Variants in PTPRN2 observed in about 807,000 individuals in gnomAD.
PTPRN2 encodes protein tyrosine phosphatase receptor type N2.
In PTPRN2, 74 loss-of-function variants were observed where a neutral mutation model predicts 118.8. That is an observed-to-expected ratio of 0.62 (90% CI 0.52 to 0.76). The LOEUF is 0.76. Ranked by LOEUF, PTPRN2 falls within the 30% of genes least tolerant of loss-of-function variation. The pLI is 0.00. For synonymous variants in PTPRN2, 641 were observed against 608.0 expected (o/e 1.05, Z -0.80); for missense variants, 1,481 against 1,394.4 (o/e 1.06, Z -0.99).
At chr7:158,473,550 G>C (rs1251718501) in intron 2 of PTPRN2, among the ~76,000 whole-genome samples, 1 of 152,138 alleles carries the variant, frequency 6.6e-6, no homozygotes, top group Admixed American at 6.5e-5. Flanking sequence ...AATCTCCATG[G>C]CAACTAGACT....
intron 10 of PTPRN2, among the ~76,000 whole-genome samples, chr7:158,085,505 T>C (rs371001069): frequency 1.0e-3 from 78 of 76,762 alleles, no homozygotes; most frequent in Middle Eastern, 0.032. Context: ...TCCACACCCA[T>C]GACGCCCATC....
chr7:157,843,399 GCC>G (rs2151188701), intron 12 of PTPRN2, among the ~76,000 whole-genome samples: 1 of 152,190 alleles, frequency 6.6e-6, no homozygotes, highest in Admixed American at 6.5e-5. Context: ...TGGTAGGGGG[GCC>G]GGCGTGGGGG....
At chr7:158,414,671 A>T in intron 2 of PTPRN2, among the ~76,000 whole-genome samples, 1 of 152,352 alleles carries the variant, frequency 6.6e-6, no homozygotes, top group Non-Finnish European at 1.5e-5. Context: ...TCGATCTGGC[A>T]TAATTGCCGG....
rs1824714380 is a variant in PTPRN2, at chr7:158,525,605, A to G, written c.113-35820T>C. Among the ~76,000 whole-genome samples the G allele has an allele frequency of 6.6e-6, 1 of 152,194 alleles. No homozygotes were observed. Among genetic ancestry groups the G allele is most frequent in the Admixed American group, 6.5e-5 (1 of 15,286 alleles). On this transcript the variant is annotated intron_variant, in intron 1 of 22. Transcript: ENST00000389418. The surrounding 1 kb of genome is among the most constrained non-coding windows in gnomAD (Gnocchi z 4.1). Reference sequence around the variant, plus strand: ...AGAGGTCCTACGGGATGGAGTATTAATAGTGCCGTGTTTAATTATTATTCA... The same window carrying G: ...AGAGGTCCTACGGGATGGAGTATTAGTAGTGCCGTGTTTAATTATTATTCA...
intron 2 of PTPRN2, among the ~76,000 whole-genome samples, chr7:158,317,891 G>T (rs377102713): frequency 6.6e-6 from 1 of 152,318 alleles, no homozygotes; most frequent in South Asian, 2.1e-4. Flanking sequence ...CGACGGGGCC[G>T]GGTGATTAGC....
At chr7:157,571,364 A>T in intron 20 of PTPRN2, 76 bp downstream of exon 20, 3 of 1,158,582 alleles carry the variant, frequency 2.6e-6, no homozygotes, top group Non-Finnish European at 2.5e-6. Context: ...TTAGAAAGTT[A>T]AGCTTCTGTA....
At chr7:157,968,238 G>A (rs1802078964) in intron 11 of PTPRN2, among the ~76,000 whole-genome samples, 1 of 152,152 alleles carries the variant, frequency 6.6e-6, no homozygotes, top group African/African-American at 2.4e-5. Context: ...TGAGAAGTGG[G>A]GATACAGGAC....
chr7:158,367,872 C>T (rs1035853417), intron 2 of PTPRN2, among the ~76,000 whole-genome samples: 11 of 152,140 alleles, frequency 7.2e-5, no homozygotes, highest in Admixed American at 2.0e-4. Context: ...TTTCTCCAGA[C>T]GGTTTACAAA....
chr7:158,052,651 C>T (rs190170980), intron 11 of PTPRN2, among the ~76,000 whole-genome samples: 5 of 138,046 alleles, frequency 3.6e-5, no homozygotes, highest in Non-Finnish European at 7.8e-5. Context: ...GGGTGCCCTT[C>T]GGACCTCCTG....
At chr7:158,149,590 G>A (rs193144820) in intron 6 of PTPRN2, among the ~76,000 whole-genome samples, 3 of 152,216 alleles carry the variant, frequency 2.0e-5, no homozygotes, top group African/African-American at 7.2e-5. Flanking sequence ...ATCACCTGAG[G>A]TCAGGAGTTC....
chr7:158,181,443 C>T (rs1319905960), intron 5 of PTPRN2, among the ~76,000 whole-genome samples: 2 of 152,180 alleles, frequency 1.3e-5, no homozygotes, highest in African/African-American at 2.4e-5. Context: ...CAGAGTGATA[C>T]TGGCTTCATA....
At chr7:157,613,472 C>G (rs1460758413) in intron 15 of PTPRN2, among the ~76,000 whole-genome samples, 2 of 152,224 alleles carry the variant, frequency 1.3e-5, no homozygotes, top group Non-Finnish European at 2.9e-5. Flanking sequence ...TTCCGCAAAC[C>G]TCGGGGCCTC....
intron 1 of PTPRN2, among the ~76,000 whole-genome samples, chr7:158,527,708 C>T (rs1254209440): frequency 6.6e-6 from 1 of 152,196 alleles, no homozygotes; most frequent in Non-Finnish European, 1.5e-5. Context: ...ACAGCAGCCA[C>T]ACAGAGCTGG....
At chr7:157,820,888 T>G (rs1024594411) in intron 12 of PTPRN2, among the ~76,000 whole-genome samples, 2 of 152,222 alleles carry the variant, frequency 1.3e-5, no homozygotes, top group Non-Finnish European at 2.9e-5. Context: ...TGGGGCTCAC[T>G]TTTTGCCCTT....
chr7:158,283,159 C>A (rs1799542077), intron 3 of PTPRN2, among the ~76,000 whole-genome samples: 1 of 152,234 alleles, frequency 6.6e-6, no homozygotes, highest in African/African-American at 2.4e-5. Flanking sequence ...TGAAAAAAAA[C>A]ACTTCTTGTT....
intron 11 of PTPRN2, among the ~76,000 whole-genome samples, chr7:157,909,989 C>T (rs1460986320): frequency 6.6e-6 from 1 of 152,218 alleles, no homozygotes; most frequent in Non-Finnish European, 1.5e-5. Flanking sequence ...ACTGTTACCT[C>T]TATTACTAAG....
At chr7:157,688,921 A>G (rs568132936) in intron 12 of PTPRN2, among the ~76,000 whole-genome samples, 1 of 152,326 alleles carries the variant, frequency 6.6e-6, no homozygotes, top group South Asian at 2.1e-4. Flanking sequence ...ACAAAGGCCA[A>G]GGGTTCCCGG....
intron 10 of PTPRN2, among the ~76,000 whole-genome samples, chr7:158,107,863 C>T (rs553763721): frequency 8.6e-5 from 13 of 150,580 alleles, no homozygotes; most frequent in African/African-American, 3.2e-4. Flanking sequence ...CCCTCTCACA[C>T]ATGGATCCCT....
At chr7:157,991,391 T>C (rs1463978471) in intron 11 of PTPRN2, among the ~76,000 whole-genome samples, 4 of 152,244 alleles carry the variant, frequency 2.6e-5, no homozygotes, top group East Asian at 3.9e-4. Context: ...TCTTGCCACT[T>C]GTTATGAACC....
Sources: gnomAD v4.1 joint callset for allele counts (sites outside exome capture counted in the v4.1 genomes callset) on GRCh38, gnomAD v4.1.1 for gene constraint, Gnocchi (gnomAD v3.1) non-coding constraint, MANE v1.5 for transcripts, NCBI Gene and HGNC (gene_info 2026-07-23, HGNC 2026-07-21) for gene names.